Variants in NCAPD3 observed in about 807,000 individuals in gnomAD.
The protein encoded by NCAPD3 is non-SMC condensin II complex subunit D3.
Under a neutral mutation model 182.9 loss-of-function variants are expected in NCAPD3, and 105 were observed. That is an observed-to-expected ratio of 0.57 (90% CI 0.49 to 0.68). The LOEUF (loss-of-function observed/expected upper bound fraction) is 0.68. NCAPD3 is among the 30% of genes least tolerant of loss of function. The pLI, the probability that NCAPD3 is intolerant of heterozygous loss-of-function variation, is 0.00. For synonymous variants in NCAPD3, 815 were observed against 679.9 expected (o/e 1.20, Z -3.09); for missense variants, 1,944 against 1,837.0 (o/e 1.06, Z -1.07).
intron 3 of NCAPD3, among the ~76,000 whole-genome samples, chr11:134,215,867 G>A (rs1189031896): frequency 6.6e-6 from 1 of 152,136 alleles, no homozygotes; most frequent in Non-Finnish European, 1.5e-5. Flanking sequence ...AGAATATACT[G>A]TGATCGAATG....
In NCAPD3 at chr11:134,152,851, CT is replaced by C. The variant is rs772711138; in HGVS notation, c.*92del. ...TCCACAGCAAAGCGCTGCCCAAGGACTGCGGGAAGTGATCCAGCTGCCTTCA... is the reference window on the plus strand; with the variant it reads ...TCCACAGCAAAGCGCTGCCCAAGGACGCGGGAAGTGATCCAGCTGCCTTCA... On this transcript the variant is annotated 3_prime_UTR_variant, in exon 35 of 35. Coordinates refer to ENST00000534548, the MANE Select transcript of NCAPD3 (RefSeq NM_015261.3). The C allele has an allele frequency of 9.8e-7, 1 of 1,024,512 alleles. No individual in the cohort carries two copies. The highest frequency in any genetic ancestry group is 1.4e-6 in the Non-Finnish European group (1 of 690,702). 63.5% of individuals were successfully genotyped at this position (1,024,512 alleles called of 1,614,324 possible).
Position 134,177,176 on chromosome 11 carries a change from G to A in NCAPD3, c.3021+43C>T, listed in dbSNP as rs1944188862. On this transcript the variant is annotated intron_variant, in intron 23 of 34. Coordinates refer to ENST00000534548, the MANE Select transcript of NCAPD3 (RefSeq NM_015261.3). The stretch of plus-strand genomic sequence containing the variant: ...ACTCAAATATTCCCTTAAACCAGAA[G>A]CAATGGTGAAGGGGAAAGGACAGAT... The A allele has an allele frequency of 2.8e-6, 4 of 1,426,130 alleles. No homozygotes were observed. In the South Asian group the frequency reaches 3.4e-5, roughly 12 times the overall value. The allele number at this position is 1,426,130 out of a possible 1,614,324, so 88.3% of individuals were successfully genotyped here. A position where few individuals can be genotyped will look rare whatever the true frequency, so the allele number is the denominator to read the frequency against.
chr11:134,193,365 T>G (rs2135997224), intron 15 of NCAPD3, among the ~76,000 whole-genome samples: 1 of 152,362 alleles, frequency 6.6e-6, no homozygotes, highest in East Asian at 1.9e-4. Context: ...TTTTTGGCAA[T>G]ATCATCTATC....
chr11:134,179,802 A>C (rs1944255594), intron 20 of NCAPD3, among the ~76,000 whole-genome samples: 1 of 152,218 alleles, frequency 6.6e-6, no homozygotes, highest in South Asian at 2.1e-4. Context: ...TGAAGGGATG[A>C]TGCTGAATAG....
At chr11:134,200,270 T>C (rs1173938696) in intron 13 of NCAPD3, among the ~76,000 whole-genome samples, 1 of 152,078 alleles carries the variant, frequency 6.6e-6, no homozygotes, top group African/African-American at 2.4e-5. Flanking sequence ...AATTAAAATG[T>C]TTTGTGCCTC....
At chr11:134,196,337 TAAC>T (rs1944626847) in intron 13 of NCAPD3, among the ~76,000 whole-genome samples, 1 of 152,048 alleles carries the variant, frequency 6.6e-6, no homozygotes, top group African/African-American at 2.4e-5. Context: ...AATATACCTG[TAAC>T]GAGTAAAGAA....
chr11:134,187,398 G>A (rs1944432432), intron 16 of NCAPD3, among the ~76,000 whole-genome samples: 1 of 152,128 alleles, frequency 6.6e-6, no homozygotes, highest in African/African-American at 2.4e-5. Context: ...GCTCCCAACT[G>A]AGGTGTGACA....
chr11:134,172,430 C>T (rs189210770), intron 24 of NCAPD3, among the ~76,000 whole-genome samples: 2 of 152,274 alleles, frequency 1.3e-5, no homozygotes, highest in Non-Finnish European at 1.5e-5. Flanking sequence ...CACCCCATTC[C>T]GATTGTTCCA....
intron 13 of NCAPD3, among the ~76,000 whole-genome samples, chr11:134,201,224 A>T (rs953953479): frequency 4.6e-5 from 7 of 151,906 alleles, no homozygotes; most frequent in Admixed American, 2.0e-4. Flanking sequence ...GGGTTTCACC[A>T]TGTTGGCCAG....
chr11:134,183,085 C>G, intron 19 of NCAPD3: 1 of 456,208 alleles, frequency 2.2e-6, no homozygotes, highest in Non-Finnish European at 4.4e-6. Context: ...CCTGGGCCAG[C>G]AGCAAGCGGC....
At chr11:134,203,267 A>T in intron 11 of NCAPD3, 69 bp from the exon 12 acceptor site, 1 of 1,126,128 alleles carries the variant, frequency 8.9e-7, no homozygotes, top group Middle Eastern at 2.0e-4. Flanking sequence ...CCACGGAGGA[A>T]TCAAAATCAA....
chr11:134,160,124 A>G, intron 28 of NCAPD3, 50 bp from the exon 29 acceptor site: 1 of 1,591,114 alleles, frequency 6.3e-7, no homozygotes, highest in Non-Finnish European at 8.6e-7. Flanking sequence ...ATAAAAACGT[A>G]AAGCCCTAAA....
At chr11:134,171,980 G>A (rs1459754500) in intron 24 of NCAPD3, among the ~76,000 whole-genome samples, 1 of 152,170 alleles carries the variant, frequency 6.6e-6, no homozygotes, top group Admixed American at 6.5e-5. Context: ...CTTTTCTAGG[G>A]ATGCGGAACA....
chr11:134,182,236 G>A (rs1311601964), intron 19 of NCAPD3, among the ~76,000 whole-genome samples: 1 of 152,198 alleles, frequency 6.6e-6, no homozygotes, highest in African/African-American at 2.4e-5. Context: ...ATGGCAGCCT[G>A]TTCCAAGTCC....
intron 23 of NCAPD3, among the ~76,000 whole-genome samples, chr11:134,176,741 A>T (rs1944177472): frequency 6.6e-6 from 1 of 152,240 alleles, no homozygotes; most frequent in Non-Finnish European, 1.5e-5. Context: ...ATGGGCTCTC[A>T]GTGTGTATAA....
intron 19 of NCAPD3, among the ~76,000 whole-genome samples, 189 bp from the exon 20 acceptor site, chr11:134,181,373 A>C (rs1186317305): frequency 6.6e-6 from 1 of 152,202 alleles, no homozygotes; most frequent in African/African-American, 2.4e-5. Context: ...AGCCATGAGT[A>C]CTGGCTAAGT....
Position 134,185,341 on chromosome 11 carries a change from A to G in NCAPD3, c.2231T>C (p.Ile744Thr). 1 of 1,603,200 alleles carries G rather than the reference A, an allele frequency of 6.2e-7. No homozygotes were observed. Among genetic ancestry groups the G allele is most frequent in the Non-Finnish European group, 8.5e-7 (1 of 1,175,752 alleles). The change falls in exon 17 of 35, where the codon ATC becomes ACC. Residue 744 changes from isoleucine to threonine, a missense_variant. Coordinates refer to ENST00000534548, the MANE Select transcript of NCAPD3 (RefSeq NM_015261.3). ...TAAATTAGAAGATACAAACCTGCTG[A>G]TTTTCTCCCAAGATTGTATTATTCT... ...YSRIIQSWEK[I>T]SSQQNPNSNT...
At chr11:134,194,589 A>T in intron 14 of NCAPD3, 76 bp downstream of exon 14, 3 of 1,056,504 alleles carry the variant, frequency 2.8e-6, no homozygotes, top group Non-Finnish European at 4.2e-6. Context: ...ATATGGCCTA[A>T]GAGTTTAAAA....
At position 134,165,678 on chromosome 11, in the gene NCAPD3, C is replaced by G. The variant is rs1943759603; in HGVS notation, c.3573+2318G>C. Among the ~76,000 whole-genome samples, 2 of 146,418 alleles carry G rather than the reference C, an allele frequency of 1.4e-5. 1 individual carries two copies. The highest frequency in any genetic ancestry group is 1.4e-4 in the Admixed American group (2 of 14,758). ...GAGATGAGCTCAGGGGAGCAGCATA[C>G]TCATTTGTGAGATGAGCTTGGGGGA... is the stretch of plus-strand genomic sequence containing the variant. On this transcript the variant is annotated intron_variant, in intron 27 of 34. Coordinates refer to ENST00000534548, the MANE Select transcript of NCAPD3 (RefSeq NM_015261.3).
Sources: allele counts gnomAD v4.1 joint callset (sites outside exome capture counted in the v4.1 genomes callset), GRCh38; gene constraint gnomAD v4.1.1; transcripts MANE v1.5; gene names NCBI Gene and HGNC (gene_info 2026-07-23, HGNC 2026-07-21).